The following KIF13B variants were observed in gnomAD, a reference collection of about 807,000 sequenced individuals.
The protein encoded by KIF13B is kinesin family member 13B.
Under a neutral mutation model 222.0 loss-of-function variants are expected in KIF13B, and 127 were observed. The observed-to-expected ratio is 0.57, with a 90% CI of 0.50 to 0.66. The LOEUF is 0.66. Ranked by LOEUF, KIF13B falls within the 30% of genes least tolerant of loss-of-function variation. The pLI, the probability that KIF13B is intolerant of heterozygous loss-of-function variation, is 0.00. For synonymous variants in KIF13B, 976 were observed against 919.0 expected, an observed-to-expected ratio of 1.06 and a Z score of -1.12; for missense variants, 2,173 against 2,379.0, an observed-to-expected ratio of 0.91 and a Z score of 1.80.
At chr8:29,161,700 C>CG (rs939369925) in intron 12 of KIF13B, among the ~76,000 whole-genome samples, 2 of 10,572 alleles carry the variant, frequency 1.9e-4, no homozygotes, top group South Asian at 3.5e-3. Flanking sequence ...CATCTCAAAA[C>CG]CCCCCCCCAA....
At chr8:29,175,702 G>A (rs1812446536) in intron 10 of KIF13B, among the ~76,000 whole-genome samples, 2 of 152,368 alleles carry the variant, frequency 1.3e-5, no homozygotes, top group African/African-American at 2.4e-5. Context: ...AAAGGAGTCT[G>A]TGGAAGGCCA....
chr8:29,213,711 G>A (rs978482179), intron 2 of KIF13B, among the ~76,000 whole-genome samples: 9 of 152,154 alleles, frequency 5.9e-5, no homozygotes, highest in African/African-American at 2.2e-4. Flanking sequence ...TACTTTGGGA[G>A]GCTGAGGCGG....
In KIF13B at chr8:29,104,199, C is replaced by T. The variant is rs370759688; in HGVS notation, c.4215+3940G>A. Among the ~76,000 whole-genome samples the T allele has an allele frequency of 1.8e-4, 28 of 152,182 alleles. No individual in the cohort carries two copies. The East Asian group carries it at 5.0e-3, about 27-fold the overall frequency. ...CCCCACACTGTCCCCACTATCCCCT[C>T]GGGCTCCCAAACCTGGCTTCAACTC... On this transcript the variant is annotated intron_variant, in intron 35 of 39. Coordinates refer to ENST00000524189, the MANE Select transcript of KIF13B (RefSeq NM_015254.4).
In KIF13B at chr8:29,245,369, C is replaced by T. The variant is rs192135902; in HGVS notation, c.126G>A (p.Thr42=). ...ANKVILNPVN[T]NLSKGDARGQ... is the part of the protein sequence containing the mutation. ...ACCGGGCATCTCCTTTGGAAAGATT[C>T]GTATTTACAGGATTAAGAATAACCT... Residue 42 remains threonine, a synonymous_variant, in exon 2 of 40, where the codon ACG becomes ACA. Transcript: ENST00000524189. The T allele has an allele frequency of 5.6e-6, 9 of 1,598,994 alleles. No individual in the cohort carries two copies. The highest frequency in any genetic ancestry group is 2.2e-5 in the East Asian group (1 of 44,618).
chr8:29,092,757 G>T lies in KIF13B; in HGVS notation c.4446C>A (p.Pro1482=). The part of the protein sequence containing the change: ...RDEKRGKRPS[P]LAHQPVPRIM... ...CGGTGCTTTTTACCTGGTGTGCGAGGGGAGACGGCCGCTTGCCCCTCTTCT... is the reference window on the plus strand; with the variant it reads ...CGGTGCTTTTTACCTGGTGTGCGAGTGGAGACGGCCGCTTGCCCCTCTTCT... The change falls in exon 37 of 40, where the codon CCC becomes CCA. Residue 1482 remains proline (P), a synonymous_variant. Transcript: ENST00000524189. The T allele has an allele frequency of 6.2e-7, 1 of 1,612,476 alleles. No individual in the cohort carries two copies. Among genetic ancestry groups the T allele is most frequent in the South Asian group, 1.1e-5 (1 of 90,776 alleles).
At chr8:29,216,667 A>T (rs745858043) in intron 2 of KIF13B, among the ~76,000 whole-genome samples, 22 of 152,146 alleles carry the variant, frequency 1.4e-4, no homozygotes, top group Non-Finnish European at 2.9e-4. Flanking sequence ...TTGCCCTCCC[A>T]CCCATGGCAA....
intron 10 of KIF13B, among the ~76,000 whole-genome samples, chr8:29,168,488 G>A (rs1043981542): frequency 2.6e-5 from 4 of 152,190 alleles, no homozygotes; most frequent in South Asian, 2.1e-4. Context: ...CTTATTCATC[G>A]GTCTCCAAGG....
In KIF13B at chr8:29,180,131, T is replaced by C. The variant is rs755531918; in HGVS notation, c.693A>G (p.Thr231=). 18 of 1,613,812 alleles carry C rather than the reference T, an allele frequency of 1.1e-5. No individual in the cohort carries two copies. The highest frequency in any genetic ancestry group is 1.4e-5 in the Non-Finnish European group (16 of 1,179,878). The change falls in exon 8 of 40, where the codon ACA becomes ACG. Residue 231 remains threonine, a synonymous_variant. Coordinates refer to ENST00000524189, the MANE Select transcript of KIF13B (RefSeq NM_015254.4). The part of the protein sequence containing the change: ...RSHAVFKITL[T]HTLYDVKSGT... Reference sequence around the variant, plus strand: ...CAGACTTCACATCGTAGAGAGTATGTGTGAGGGTGATTTTGAAAACTGCAT... The same window carrying C: ...CAGACTTCACATCGTAGAGAGTATGCGTGAGGGTGATTTTGAAAACTGCAT...
chr8:29,159,945 C>A (rs954765256), intron 13 of KIF13B, among the ~76,000 whole-genome samples: 1 of 152,186 alleles, frequency 6.6e-6, no homozygotes, highest in Non-Finnish European at 1.5e-5. Flanking sequence ...CTTTCCTGGT[C>A]ATGTTCATTA....
At chr8:29,073,078 TACGAGGAGGGGTATGAGGAGGGGG>T (rs1301494727) in intron 38 of KIF13B, among the ~76,000 whole-genome samples, 4,048 of 93,060 alleles carry the variant, frequency 0.043, 597 homozygotes, top group Non-Finnish European at 0.064. Context: ...CGAGGAGGGG[TACGAGGAGGGGTATGAGGAGGGGG>T]ACGAGGAGGG....
At chr8:29,115,839 C>A (rs1446575386) in intron 31 of KIF13B, among the ~76,000 whole-genome samples, 1 of 152,162 alleles carries the variant, frequency 6.6e-6, no homozygotes, top group Non-Finnish European at 1.5e-5. Flanking sequence ...AACTGCATCT[C>A]CTCCTACTAT....
chr8:29,099,049 C>G, intron 36 of KIF13B, 84 bp downstream of exon 36: 1 of 1,053,594 alleles, frequency 9.5e-7, no homozygotes, highest in Non-Finnish European at 1.5e-6. Context: ...AGAACAGTGG[C>G]TGCCTGGCAG....
intron 27 of KIF13B, 44 bp from the exon 28 acceptor site, chr8:29,123,536 C>G: frequency 6.2e-7 from 1 of 1,609,126 alleles, no homozygotes; most frequent in Non-Finnish European, 8.5e-7. Flanking sequence ...ACTTCACTTG[C>G]CATTTATCTT....
At chr8:29,204,996 C>T (rs940335689) in intron 2 of KIF13B, among the ~76,000 whole-genome samples, 4 of 152,142 alleles carry the variant, frequency 2.6e-5, no homozygotes, top group Admixed American at 6.5e-5. Context: ...CTTTTCTACA[C>T]CTATATCTCC....
At chr8:29,192,906 A>G (rs1461965904) in intron 3 of KIF13B, among the ~76,000 whole-genome samples, 2 of 151,060 alleles carry the variant, frequency 1.3e-5, no homozygotes, top group East Asian at 4.0e-4. Context: ...AATAGTTCCA[A>G]TGAAACTGAT....
intron 26 of KIF13B, 127 bp downstream of exon 26, chr8:29,126,355 T>C: frequency 1.5e-6 from 1 of 686,728 alleles, no homozygotes; most frequent in Non-Finnish European, 2.5e-6. Flanking sequence ...CTGTTTTACT[T>C]TAAAACAACA....
At chr8:29,120,320 C>G (rs1809808558) in intron 29 of KIF13B, among the ~76,000 whole-genome samples, 1 of 104,194 alleles carries the variant, frequency 9.6e-6, no homozygotes, top group African/African-American at 3.7e-5. Context: ...CCAATGCTAT[C>G]CCTCCCCCCT....
At chr8:29,123,644 T>A (rs1371299830) in intron 27 of KIF13B, among the ~76,000 whole-genome samples, 152 bp from the exon 28 acceptor site, 1 of 152,258 alleles carries the variant, frequency 6.6e-6, no homozygotes, top group African/African-American at 2.4e-5. Flanking sequence ...AGAGGTCAGA[T>A]GGGCTCCTGC....
chr8:29,070,812 A>G lies in KIF13B; in HGVS notation c.5219-46T>C, dbSNP rs1254256653. The G allele has an allele frequency of 6.4e-7, 1 of 1,563,300 alleles. No homozygotes were observed. The highest frequency in any genetic ancestry group is 8.7e-7 in the Non-Finnish European group (1 of 1,154,198). ...GATATGGAGGGCAGCCGAGCTGCAG[A>G]CGGCCCCCTGCACCTCCCTTACCTC... On this transcript the variant is annotated intron_variant, in intron 39 of 39. Coordinates refer to ENST00000524189, the MANE Select transcript of KIF13B (RefSeq NM_015254.4). This position sits in a 1 kb window ranked among gnomAD's most constrained non-coding sequence, Gnocchi z 4.1.
Sources: gnomAD v4.1 joint callset for allele counts (sites outside exome capture counted in the v4.1 genomes callset) on GRCh38, gnomAD v4.1.1 for gene constraint, Gnocchi (gnomAD v3.1) non-coding constraint, MANE v1.5 for transcripts, NCBI Gene and HGNC (gene_info 2026-07-23, HGNC 2026-07-21) for gene names.